Variants in ETAA1 observed in about 807,000 individuals in gnomAD.
ETAA1 encodes the protein ETAA1 activator of ATR kinase.
A neutral mutation model predicts 76.8 loss-of-function variants in ETAA1; 49 were observed. That is an observed-to-expected ratio of 0.64 (90% confidence interval 0.51 to 0.81). ETAA1 has a LOEUF of 0.81. Ranked by LOEUF, ETAA1 falls within the 30% of genes least tolerant of loss-of-function variation. ETAA1 has a pLI of 0.00. For missense variants in ETAA1, 1,099 were observed against 1,074.0 expected (o/e 1.02, Z -0.32); for synonymous variants, 373 against 372.2 (o/e 1.00, Z -0.03).
intron 1 of ETAA1, among the ~76,000 whole-genome samples, chr2:67,398,321 T>C (rs896105669): frequency 8.6e-5 from 13 of 150,816 alleles, no homozygotes; most frequent in Non-Finnish European, 1.8e-4. Flanking sequence ...TTTTTTTTTT[T>C]TTTTTTTATA....
At position 67,410,850 on chromosome 2, in the gene ETAA1, T is replaced by TC; in HGVS notation, c.*812_*813insC. On this transcript the variant is annotated 3_prime_UTR_variant, in exon 6 of 6. Transcript: ENST00000272342. The stretch of plus-strand genomic sequence containing the variant: ...TGATTTATTTGGACACCTAAACAAT[T>TC]ATACTATTTGTTTCAAAGTATCAGT... 1 of 152,172 alleles carries TC rather than the reference T, an allele frequency of 6.6e-6. No individual in the cohort carries two copies. The highest frequency in any genetic ancestry group is 1.9e-4 in the East Asian group (1 of 5,180). 9.4% of individuals were successfully genotyped at this position (152,172 alleles called of 1,614,324 possible).
intron 5 of ETAA1, among the ~76,000 whole-genome samples, chr2:67,405,769 A>G (rs1244620191): frequency 2.0e-5 from 3 of 152,084 alleles, no homozygotes; most frequent in Admixed American, 6.6e-5. Flanking sequence ...AGAGCATTCT[A>G]ATTAAACGTC....
chr2:67,410,256 G>T lies in ETAA1; in HGVS notation c.*218G>T. On this transcript the variant is annotated 3_prime_UTR_variant, in exon 6 of 6. Transcript: ENST00000272342. ...TAAATACAAAAGTTTTGGAAATTCA[G>T]GAAAGTTAGCAATTATGTACGGATA... 2.1e-6 allele frequency: 1 copy of T among 481,042 alleles called. No homozygotes were observed. The highest frequency in any genetic ancestry group is 3.6e-6 in the Non-Finnish European group (1 of 276,840). The allele number at this position is 481,042 out of a possible 1,614,324, so 29.8% of individuals were successfully genotyped here.
In ETAA1 at chr2:67,403,321, G is replaced by C; in HGVS notation, c.639G>C (p.Lys213Asn). The change falls in exon 5 of 6, where the codon AAG becomes AAC. Residue 213 changes from lysine (K) to asparagine (N), a missense_variant. Physicochemically the swap from Lys to Asn is moderately conservative, Grantham distance 94 (BLOSUM62 0). Coordinates refer to ENST00000272342, the MANE Select transcript of ETAA1 (RefSeq NM_019002.4). ...TAGATGTGATTCAAGAGCAAAACAA[G>C]AGGAATTATGATTTTACCCAGATGA... The part of the protein sequence containing the change: ...EELDVIQEQN[K>N]RNYDFTQMIS... The C allele has an allele frequency of 6.2e-7, 1 of 1,606,398 alleles. No individual in the cohort carries two copies.
rs1676337995 is a variant in ETAA1 at position 67,410,254 on chromosome 2, C to T, written c.*216C>T. On this transcript the variant is annotated 3_prime_UTR_variant, in exon 6 of 6. Transcript: ENST00000272342. ...ATTAAATACAAAAGTTTTGGAAATT[C>T]AGGAAAGTTAGCAATTATGTACGGA... 2 of 488,358 alleles carry T rather than the reference C, an allele frequency of 4.1e-6. No individual in the cohort carries two copies. The highest frequency in any genetic ancestry group is 2.0e-5 in the African/African-American group (1 of 49,002). The allele number at this position is 488,358 out of a possible 1,614,324, so 30.3% of individuals were successfully genotyped here. A position where few individuals can be genotyped will look rare whatever the true frequency, so the allele number is the denominator to read the frequency against.
At chr2:67,405,851 C>G (rs1676202891) in intron 5 of ETAA1, among the ~76,000 whole-genome samples, 1 of 152,016 alleles carries the variant, frequency 6.6e-6, no homozygotes, top group Non-Finnish European at 1.5e-5. Context: ...TATTTGATAA[C>G]AGCTATCATT....
rs1288079091 is a variant in ETAA1 at position 67,405,218 on chromosome 2, G to A, written c.2536G>A (p.Asp846Asn). 6.2e-7 allele frequency: 1 copy of A among 1,612,540 alleles called. No homozygotes were observed. Among genetic ancestry groups the A allele is most frequent in the Non-Finnish European group, 8.5e-7 (1 of 1,179,156 alleles). Reference protein sequence around the residue: ...NQNCITGSMSDTKITQGVEKK... With the variant: ...NQNCITGSMSNTKITQGVEKK... The stretch of plus-strand genomic sequence containing the variant: ...AAATTGTATAACTGGAAGTATGTCT[G>A]ATACCAAAATTACACAGGGTGTGGA... Residue 846 changes from aspartate (D) to asparagine (N), a missense_variant, in exon 5 of 6, where the codon GAT (aspartate) becomes AAT (asparagine). By Grantham distance (23) the Asp-to-Asn change is conservative. This residue lies in a region of ETAA1 where 302 missense variants were observed against 278.1 expected (regional missense o/e 1.09). Coordinates refer to ENST00000272342, the MANE Select transcript of ETAA1 (RefSeq NM_019002.4).
At chr2:67,398,683 T>C (rs1028109889) in intron 1 of ETAA1, among the ~76,000 whole-genome samples, 7 of 152,130 alleles carry the variant, frequency 4.6e-5, no homozygotes, top group African/African-American at 7.2e-5. Flanking sequence ...TGAACAAAAA[T>C]CTTTATAAAA....
At position 67,403,178 on chromosome 2, in the gene ETAA1, A is replaced by G. The variant is rs746211452; in HGVS notation, c.543-47A>G. 3.5e-4 allele frequency: 458 copies of G among 1,310,994 alleles called. 1 individual carries two copies. Among genetic ancestry groups the G allele is most frequent in the Non-Finnish European group, 4.5e-4 (429 of 958,638 alleles). The allele number at this position is 1,310,994 out of a possible 1,614,324, so 81.2% of individuals were successfully genotyped here. On this transcript the variant is annotated intron_variant, in intron 4 of 5. Coordinates refer to ENST00000272342, the MANE Select transcript of ETAA1 (RefSeq NM_019002.4). ...AAAATATGTTAAATAACAGTTGGATATAATGTTTCAGAACATTTTTAGTTA... is the reference window on the plus strand; with the variant it reads ...AAAATATGTTAAATAACAGTTGGATGTAATGTTTCAGAACATTTTTAGTTA...
In ETAA1 at chr2:67,405,872, C is replaced by T. The variant is rs186152648; in HGVS notation, c.2653+537C>T. 1.6e-4 allele frequency among the ~76,000 whole-genome samples: 24 copies of T among 152,088 alleles called. No individual in the cohort carries two copies. The East Asian group carries it at 3.3e-3, about 21-fold the overall frequency. On this transcript the variant is annotated intron_variant, in intron 5 of 5. Coordinates refer to ENST00000272342, the MANE Select transcript of ETAA1 (RefSeq NM_019002.4). ...ATAACAGCTATCATTTCTGATTCTT[C>T]CAATTTCTCTTTTCCCCAAGTCTCC...
chr2:67,398,410 AC>A (rs1367887213), intron 1 of ETAA1, among the ~76,000 whole-genome samples: 1 of 147,014 alleles, frequency 6.8e-6, no homozygotes, highest in Non-Finnish European at 1.5e-5. Flanking sequence ...ATCTCGGCTC[AC>A]TGCAACCTCC....
At chr2:67,401,120 A>T (rs1048205663) in intron 3 of ETAA1, 47 of 152,136 alleles carry the variant, frequency 3.1e-4, no homozygotes, top group Admixed American at 3.1e-3. Flanking sequence ...GCTAGAAATA[A>T]TAGCTCATAT....
At chr2:67,399,802 A>G (rs934223893) in intron 3 of ETAA1, among the ~76,000 whole-genome samples, 176 bp downstream of exon 3, 2 of 152,180 alleles carry the variant, frequency 1.3e-5, no homozygotes, top group African/African-American at 4.8e-5. Context: ...TGAAAAAAGG[A>G]ATATAATATA....
chr2:67,400,427 C>T (rs1417237113), intron 3 of ETAA1: 1 of 151,914 alleles, frequency 6.6e-6, no homozygotes, highest in Non-Finnish European at 1.5e-5. Flanking sequence ...AGTTTAAGAC[C>T]CTGTCTCTTA....
intron 5 of ETAA1, among the ~76,000 whole-genome samples, chr2:67,408,711 C>T (rs540919140): frequency 6.6e-4 from 100 of 152,182 alleles, no homozygotes; most frequent in Non-Finnish European, 4.9e-4. Flanking sequence ...CATGGTGTGA[C>T]CTGATTATCA....
At chr2:67,408,781 T>C (rs893994460) in intron 5 of ETAA1, among the ~76,000 whole-genome samples, 1 of 152,154 alleles carries the variant, frequency 6.6e-6, no homozygotes, top group Non-Finnish European at 1.5e-5. Context: ...TAGGAAGTTA[T>C]GTTTTCTGCT....
chr2:67,408,784 T>A (rs1676287031), intron 5 of ETAA1, among the ~76,000 whole-genome samples: 1 of 152,150 alleles, frequency 6.6e-6, no homozygotes, highest in Non-Finnish European at 1.5e-5. Context: ...GAAGTTATGT[T>A]TTCTGCTGTT....
Position 67,397,607 on chromosome 2 carries a change from C to A in ETAA1, c.159C>A (p.Pro53=), listed in dbSNP as rs182131786. Residue 53 remains proline (P), a synonymous_variant, in exon 1 of 6, where the codon CCC becomes CCA. Transcript: ENST00000272342. ...CCTGCGGGGCTAGAGAGGGGCCTCC[C>A]GGGCCAGTGCGGCAGCGAGAGCAGC... ...SWPCGAREGP[P]GPVRQREQPP... is the part of the protein sequence containing the mutation. The A allele has an allele frequency of 1.2e-4, 179 of 1,549,312 alleles. No individual in the cohort carries two copies. The African/African-American group carries it at 2.2e-3, about 19-fold the overall frequency.
At chr2:67,409,830 TAAA>T in intron 5 of ETAA1, 78 bp from the exon 6 acceptor site, 1 of 1,400,916 alleles carries the variant, frequency 7.1e-7, no homozygotes, top group Non-Finnish European at 9.7e-7. Flanking sequence ...TCTGGGTGAT[TAAA>T]AAAAGCAAAA....
Sources: allele counts gnomAD v4.1 joint callset (sites outside exome capture counted in the v4.1 genomes callset), GRCh38; gene constraint gnomAD v4.1.1; regional missense constraint gnomAD v4.1.1; transcripts MANE v1.5; gene names NCBI Gene and HGNC (gene_info 2026-07-23, HGNC 2026-07-21).